Variants in CDH18 observed in about 807,000 individuals in gnomAD.
CDH18 encodes cadherin-18.
Under a neutral mutation model 67.9 loss-of-function variants are expected in CDH18, and 31 were observed. That is an observed-to-expected ratio of 0.46 (90% CI 0.34 to 0.62). The LOEUF is 0.62. Ranked by LOEUF, CDH18 falls within the 20% of genes least tolerant of loss-of-function variation. CDH18 has a pLI of 0.01. For missense variants in CDH18, 890 were observed against 975.5 expected, an observed-to-expected ratio of 0.91 and a Z score of 1.17; for synonymous variants, 362 against 347.2, an observed-to-expected ratio of 1.04 and a Z score of -0.48.
chr5:19,706,841 G>C (rs1241972594), intron 5 of CDH18, among the ~76,000 whole-genome samples: 1 of 152,132 alleles, frequency 6.6e-6, no homozygotes, highest in African/African-American at 2.4e-5. Flanking sequence ...AAAAGCAAAA[G>C]AGGGGAAATA....
At chr5:20,380,279 T>C (rs1743810246) in intron 1 of CDH18, among the ~76,000 whole-genome samples, 1 of 152,178 alleles carries the variant, frequency 6.6e-6, no homozygotes, top group South Asian at 2.1e-4. Context: ...TATAGTTATA[T>C]GACTTAGGGA....
chr5:20,078,943 G>T (rs1744208739), intron 2 of CDH18, among the ~76,000 whole-genome samples: 1 of 152,026 alleles, frequency 6.6e-6, no homozygotes, highest in African/African-American at 2.4e-5. Context: ...ATTTTTAGTT[G>T]TCAAATAATA....
intron 6 of CDH18, among the ~76,000 whole-genome samples, chr5:19,593,686 T>TCTCCTC (rs1158515144): frequency 0.087 from 1,274 of 14,650 alleles, 173 homozygotes; most frequent in African/African-American, 0.18. Context: ...TCCTCCTCCT[T>TCTCCTC]CTCTTCCTCT....
At chr5:20,501,577 T>C (rs182935525) in intron 1 of CDH18, among the ~76,000 whole-genome samples, 6 of 11,156 alleles carry the variant, frequency 5.4e-4, no homozygotes, top group East Asian at 0.011. Context: ...ATAATATATA[T>C]ATATTATATA....
At chr5:19,578,974 T>C (rs1359951435) in intron 7 of CDH18, among the ~76,000 whole-genome samples, 1 of 152,040 alleles carries the variant, frequency 6.6e-6, no homozygotes, top group Admixed American at 6.6e-5. Flanking sequence ...TTTAATGAGA[T>C]AGTCTTGAAG....
chr5:19,631,952 G>C (rs533075402), intron 5 of CDH18, among the ~76,000 whole-genome samples: 1 of 152,036 alleles, frequency 6.6e-6, no homozygotes, highest in South Asian at 2.1e-4. Context: ...TGAGGGTTTA[G>C]AGTAGTAGAG....
At chr5:19,685,530 T>C (rs915787980) in intron 5 of CDH18, among the ~76,000 whole-genome samples, 17 of 152,318 alleles carry the variant, frequency 1.1e-4, no homozygotes, top group Middle Eastern at 6.8e-3. Context: ...AGAAGACTGA[T>C]GTGTGGGAAA....
At chr5:20,005,630 A>G (rs1420475261) in intron 2 of CDH18, among the ~76,000 whole-genome samples, 2 of 151,888 alleles carry the variant, frequency 1.3e-5, no homozygotes, top group African/African-American at 4.8e-5. Context: ...ACACACATAT[A>G]TATATAATTT....
In CDH18 at chr5:19,651,639, C is replaced by T. The variant is rs565003168; in HGVS notation, c.644-39038G>A. ...ATTGAAACTATAAGATAAAATTTTC[C>T]TTGCTTCCCTAATTCACCATGAAAA... is the stretch of plus-strand genomic sequence containing the variant. On this transcript the variant is annotated intron_variant, in intron 5 of 12. Coordinates refer to ENST00000382275, the MANE Select transcript of CDH18 (RefSeq NM_004934.5). 4.1e-4 allele frequency among the ~76,000 whole-genome samples: 62 copies of T among 152,158 alleles called. No individual in the cohort carries two copies. The South Asian group carries it at 0.012, about 31-fold the overall frequency.
chr5:20,100,375 A>T (rs1019380159), intron 2 of CDH18, among the ~76,000 whole-genome samples: 1 of 152,170 alleles, frequency 6.6e-6, no homozygotes, highest in African/African-American at 2.4e-5. Context: ...TTACAATAAA[A>T]TTGTCATAAA....
At chr5:19,625,428 T>C (rs1580564496) in intron 5 of CDH18, among the ~76,000 whole-genome samples, 1 of 152,098 alleles carries the variant, frequency 6.6e-6, no homozygotes, top group East Asian at 1.9e-4. Flanking sequence ...GCAAATCATA[T>C]TGTCCTCAAA....
chr5:19,642,598 T>C (rs60982167), intron 5 of CDH18, among the ~76,000 whole-genome samples: 6,062 of 152,086 alleles, frequency 0.04, 416 homozygotes, highest in African/African-American at 0.14. Flanking sequence ...TGAAAAATAG[T>C]GTTGGGAAAA....
intron 4 of CDH18, among the ~76,000 whole-genome samples, chr5:19,730,935 G>A (rs1189263627): frequency 6.6e-6 from 1 of 152,178 alleles, no homozygotes; most frequent in Non-Finnish European, 1.5e-5. Flanking sequence ...AGAAGCAATT[G>A]AGGGAACAGG....
chr5:20,073,539 C>T (rs1009921777), intron 2 of CDH18, among the ~76,000 whole-genome samples: 1 of 151,934 alleles, frequency 6.6e-6, no homozygotes, highest in African/African-American at 2.4e-5. Context: ...ACTTAATATT[C>T]CTTGACAAAA....
intron 1 of CDH18, among the ~76,000 whole-genome samples, chr5:20,463,110 C>A (rs1751386835): frequency 6.6e-6 from 1 of 152,040 alleles, no homozygotes; most frequent in Non-Finnish European, 1.5e-5. Context: ...CATTCTGATT[C>A]GATCTTGTGC....
intron 2 of CDH18, among the ~76,000 whole-genome samples, chr5:19,917,542 A>G (rs1296695096): frequency 6.6e-6 from 1 of 152,092 alleles, no homozygotes; most frequent in African/African-American, 2.4e-5. Flanking sequence ...GTCCCTGCTT[A>G]ATGGTCCTGA....
chr5:20,399,373 A>G (rs1745566341), intron 1 of CDH18, among the ~76,000 whole-genome samples: 1 of 152,240 alleles, frequency 6.6e-6, no homozygotes, highest in South Asian at 2.1e-4. Flanking sequence ...ACAATATAAG[A>G]GGAATAAGAA....
At chr5:20,049,788 G>C (rs548798224) in intron 2 of CDH18, among the ~76,000 whole-genome samples, 1 of 151,868 alleles carries the variant, frequency 6.6e-6, no homozygotes, top group East Asian at 1.9e-4. Context: ...TTGTAATAGG[G>C]AAGCTATGAC....
intron 1 of CDH18, among the ~76,000 whole-genome samples, chr5:20,555,269 T>G (rs1000317259): frequency 2.0e-5 from 3 of 152,124 alleles, no homozygotes; most frequent in African/African-American, 4.8e-5. Context: ...GAATGAAATC[T>G]GCCAGTAAAT....
Sources: allele counts gnomAD v4.1 joint callset (sites outside exome capture counted in the v4.1 genomes callset), GRCh38; gene constraint gnomAD v4.1.1; transcripts MANE v1.5; gene names NCBI Gene and HGNC (gene_info 2026-07-23, HGNC 2026-07-21).